The following PPP2R2B variants were observed in gnomAD, a reference collection of about 807,000 sequenced individuals.
The protein encoded by PPP2R2B is serine/threonine-protein phosphatase 2A 55 kDa regulatory subunit B beta isoform.
PPP2R2B carries 5 observed loss-of-function variants against 46.0 expected under a neutral mutation model. That is an observed-to-expected ratio of 0.11 (90% CI 0.06 to 0.23). PPP2R2B has a LOEUF of 0.23. Among genes scored for constraint, PPP2R2B ranks in the 10% least tolerant of loss-of-function variants. PPP2R2B has a pLI of 1.00. For synonymous variants in PPP2R2B, 215 were observed against 206.7 expected, an observed-to-expected ratio of 1.04 and a Z score of -0.34; for missense variants, 367 against 575.0, an observed-to-expected ratio of 0.64 and a Z score of 3.70.
At chr5:146,942,527 A>T (rs1236244969) in intron 1 of PPP2R2B, among the ~76,000 whole-genome samples, 2 of 152,164 alleles carry the variant, frequency 1.3e-5, no homozygotes, top group African/African-American at 4.8e-5. Flanking sequence ...TTACTTCTTT[A>T]GGATAAATGC....
chr5:146,845,315 T>TG (rs1554144665), intron 2 of PPP2R2B, among the ~76,000 whole-genome samples: 20 of 125,504 alleles, frequency 1.6e-4, no homozygotes, highest in Admixed American at 1.4e-3. Context: ...CTTTTTTTTG[T>TG]TTTTTTTTGA....
chr5:146,644,234 CAAAAAAAAAAAAAAA>C (rs58634387), intron 6 of PPP2R2B, among the ~76,000 whole-genome samples: 135 of 60,674 alleles, frequency 2.2e-3, no homozygotes, highest in African/African-American at 8.0e-3. Flanking sequence ...AGGAAAGTTT[CAAAAAAAAAAAAAAA>C]AAAAAAAAAA....
At chr5:147,001,652 C>T (rs935292843) in intron 1 of PPP2R2B, among the ~76,000 whole-genome samples, 16 of 152,162 alleles carry the variant, frequency 1.1e-4, no homozygotes, top group Non-Finnish European at 1.5e-4. Flanking sequence ...AAGGGACCAT[C>T]GCCTATCGCC....
At chr5:146,603,454 C>T (rs1025886796) in intron 7 of PPP2R2B, among the ~76,000 whole-genome samples, 1 of 152,188 alleles carries the variant, frequency 6.6e-6, no homozygotes, top group African/African-American at 2.4e-5. Flanking sequence ...ACTGTAAAGC[C>T]TCACAATGAC....
At chr5:146,943,196 A>G (rs1041293641) in intron 1 of PPP2R2B, among the ~76,000 whole-genome samples, 45 of 152,200 alleles carry the variant, frequency 3.0e-4, no homozygotes, top group African/African-American at 1.1e-3. Flanking sequence ...ATTGCAATCC[A>G]GAGATTCTGA....
chr5:146,952,561 T>A (rs1751664775), intron 1 of PPP2R2B, among the ~76,000 whole-genome samples: 1 of 152,138 alleles, frequency 6.6e-6, no homozygotes, highest in Non-Finnish European at 1.5e-5. Context: ...ACACCCTAGC[T>A]GCCCAGTTCC....
At chr5:147,030,966 G>T (rs1194360600) in intron 1 of PPP2R2B, among the ~76,000 whole-genome samples, 1 of 152,146 alleles carries the variant, frequency 6.6e-6, no homozygotes, top group East Asian at 1.9e-4. Flanking sequence ...GCCGTGCGCG[G>T]TGGCTCACGC....
chr5:146,997,483 A>T (rs2151866649), intron 1 of PPP2R2B, among the ~76,000 whole-genome samples: 1 of 152,300 alleles, frequency 6.6e-6, no homozygotes, highest in East Asian at 1.9e-4. Context: ...TGTGCCTTAC[A>T]CATCCCTGAC....
intron 2 of PPP2R2B, among the ~76,000 whole-genome samples, chr5:147,080,817 T>G (rs1580896705): frequency 1.3e-5 from 2 of 152,076 alleles, no homozygotes; most frequent in African/African-American, 4.8e-5. Flanking sequence ...TTAGCCTCTG[T>G]CTCTGCAAAT....
chr5:146,970,138 T>C (rs1018398252), intron 1 of PPP2R2B, among the ~76,000 whole-genome samples: 3 of 152,168 alleles, frequency 2.0e-5, no homozygotes, highest in Admixed American at 6.5e-5. Flanking sequence ...TAGGTATACT[T>C]ATTATTCCCA....
chr5:146,924,176 C>A (rs933593781), intron 1 of PPP2R2B, among the ~76,000 whole-genome samples: 11 of 152,164 alleles, frequency 7.2e-5, no homozygotes, highest in African/African-American at 2.7e-4. Context: ...CCCCATGACA[C>A]AAGTTTATCT....
At chr5:146,774,746 G>T (rs1171712242) in intron 2 of PPP2R2B, among the ~76,000 whole-genome samples, 1 of 150,838 alleles carries the variant, frequency 6.6e-6, no homozygotes, top group Admixed American at 6.6e-5. Flanking sequence ...GAGCCTGGGA[G>T]ATAGAGGCTG....
At chr5:146,732,340 A>T (rs1217611257) in intron 2 of PPP2R2B, among the ~76,000 whole-genome samples, 1 of 152,220 alleles carries the variant, frequency 6.6e-6, no homozygotes, top group Non-Finnish European at 1.5e-5. Context: ...ATAAATGATA[A>T]TATTTAGTCT....
At chr5:146,964,377 C>T (rs1008790865) in intron 1 of PPP2R2B, among the ~76,000 whole-genome samples, 40 of 152,154 alleles carry the variant, frequency 2.6e-4, no homozygotes, top group African/African-American at 6.0e-4. Context: ...AGCATATTAA[C>T]GCTTCTGGCA....
At chr5:146,637,665 T>C (rs1170748994) in intron 7 of PPP2R2B, among the ~76,000 whole-genome samples, 2 of 152,228 alleles carry the variant, frequency 1.3e-5, no homozygotes, top group Non-Finnish European at 2.9e-5. Context: ...AAAATCATGG[T>C]CATTATGACA....
At chr5:147,048,217 T>A (rs1416763807) in intron 1 of PPP2R2B, among the ~76,000 whole-genome samples, 1 of 152,176 alleles carries the variant, frequency 6.6e-6, no homozygotes, top group East Asian at 1.9e-4. Flanking sequence ...ATTACCCATG[T>A]GCTAAGAACA....
intron 2 of PPP2R2B, among the ~76,000 whole-genome samples, chr5:146,810,102 A>C (rs1322941040): frequency 1.3e-5 from 2 of 152,174 alleles, no homozygotes; most frequent in East Asian, 3.9e-4. Flanking sequence ...CATAATTTGC[A>C]AGCCTGACAA....
intron 6 of PPP2R2B, among the ~76,000 whole-genome samples, chr5:146,642,096 T>C (rs1775261607): frequency 6.6e-6 from 1 of 152,226 alleles, no homozygotes; most frequent in African/African-American, 2.4e-5. Flanking sequence ...GGGGTTAATC[T>C]GGCTCTCTGC....
chr5:146,914,060 A>G (rs1384824230), intron 1 of PPP2R2B: 1 of 151,464 alleles, frequency 6.6e-6, no homozygotes, highest in Non-Finnish European at 1.5e-5. Flanking sequence ...AACTATAAAT[A>G]TTTAATTTCC....
Sources: gnomAD v4.1 joint callset for allele counts (sites outside exome capture counted in the v4.1 genomes callset) on GRCh38, gnomAD v4.1.1 for gene constraint, MANE v1.5 for transcripts, NCBI Gene and HGNC (gene_info 2026-07-23, HGNC 2026-07-21) for gene names.